EDIL3: variants seen among roughly 807,000 people sequenced by gnomAD.
EDIL3 encodes EGF-like repeat and discoidin I-like domain-containing protein 3.
EDIL3 carries 37 observed loss-of-function variants against 67.4 expected under a neutral mutation model. That is an observed-to-expected ratio of 0.55 (90% CI 0.42 to 0.72). EDIL3 has a LOEUF of 0.72. Ranked by LOEUF, EDIL3 falls within the 30% of genes least tolerant of loss-of-function variation. The probability of loss-of-function intolerance (pLI) is 0.00; values close to 1 mark genes in which losing one functional copy is unlikely to be tolerated. For synonymous variants in EDIL3, 195 were observed against 196.3 expected, an observed-to-expected ratio of 0.99 and a Z score of 0.05; for missense variants, 527 against 586.3, an observed-to-expected ratio of 0.90 and a Z score of 1.04.
chr5:84,000,087 C>T (rs1003500424), intron 9 of EDIL3, among the ~76,000 whole-genome samples: 4 of 151,864 alleles, frequency 2.6e-5, no homozygotes, highest in African/African-American at 9.7e-5. Context: ...TAAAGACTTT[C>T]CCAGGCAAAC....
intron 9 of EDIL3, among the ~76,000 whole-genome samples, chr5:84,039,940 T>TA: frequency 6.6e-6 from 1 of 152,304 alleles, no homozygotes; most frequent in South Asian, 2.1e-4. Context: ...ACAGGGAACT[T>TA]AGTCATTCTA....
In EDIL3 at chr5:83,970,643, G is replaced by GTATATATA. The variant is rs70975530; in HGVS notation, c.1138-7291_1138-7284dup. Among the ~76,000 whole-genome samples, 661 of 115,892 alleles carry GTATATATA rather than the reference G, an allele frequency of 5.7e-3. 4 individuals carry two copies. Among genetic ancestry groups the GTATATATA allele is most frequent in the African/African-American group, 0.019 (492 of 26,038 alleles). The allele number at this position is 115,892 out of a possible 152,430, so 76.0% of individuals were successfully genotyped here. On this transcript the variant is annotated intron_variant, in intron 9 of 10. Transcript: ENST00000296591. ...ATACATAATGTGACATAGGATCACA[G>GTATATATA]TATATATATATATATATATATATAT...
chr5:84,283,400 C>A (rs1357296450), intron 1 of EDIL3, among the ~76,000 whole-genome samples: 1 of 152,044 alleles, frequency 6.6e-6, no homozygotes, highest in Non-Finnish European at 1.5e-5. Context: ...CAATTTTTTC[C>A]ATAAGAACAA....
chr5:83,993,077 A>C (rs563970146), intron 9 of EDIL3, among the ~76,000 whole-genome samples: 2 of 152,338 alleles, frequency 1.3e-5, no homozygotes, highest in South Asian at 4.1e-4. Flanking sequence ...ACGAAACATT[A>C]GAATAAATAA....
intron 1 of EDIL3, 32 bp downstream of exon 1, chr5:84,384,276 C>T (rs778170924): frequency 1.2e-6 from 2 of 1,602,714 alleles, no homozygotes; most frequent in Non-Finnish European, 1.7e-6. Flanking sequence ...CAGCCCATCC[C>T]TCACCCAGCT....
chr5:84,149,438 G>A (rs1350945086), intron 4 of EDIL3, among the ~76,000 whole-genome samples: 1 of 152,164 alleles, frequency 6.6e-6, no homozygotes, highest in Non-Finnish European at 1.5e-5. Context: ...GAATGGTTTT[G>A]TCTTAGTAGT....
chr5:84,102,177 T>C (rs771954118), intron 6 of EDIL3, among the ~76,000 whole-genome samples: 6 of 152,024 alleles, frequency 3.9e-5, no homozygotes, highest in Middle Eastern at 3.4e-3. Context: ...CTCAAAATTA[T>C]GAATCACCTA....
At chr5:84,041,567 GTA>G (rs201899474) in intron 9 of EDIL3, among the ~76,000 whole-genome samples, 1 of 146,578 alleles carries the variant, frequency 6.8e-6, no homozygotes, top group Non-Finnish European at 1.5e-5. Context: ...TACATATATA[GTA>G]TATATATGTA....
chr5:84,266,909 T>C (rs982252639), intron 1 of EDIL3, among the ~76,000 whole-genome samples: 4 of 152,236 alleles, frequency 2.6e-5, no homozygotes, highest in Admixed American at 6.5e-5. Flanking sequence ...GCCTTCACTA[T>C]GTACCAAAAA....
chr5:84,282,150 C>T (rs1015763682), intron 1 of EDIL3, among the ~76,000 whole-genome samples: 8 of 151,790 alleles, frequency 5.3e-5, no homozygotes, highest in East Asian at 1.9e-4. Flanking sequence ...GGATTACAGG[C>T]GTGAGCCACC....
chr5:84,327,582 T>A (rs1008973884), intron 1 of EDIL3, among the ~76,000 whole-genome samples: 1 of 152,220 alleles, frequency 6.6e-6, no homozygotes, highest in Admixed American at 6.5e-5. Context: ...TTAATTTGTT[T>A]GTTAAAATTA....
intron 2 of EDIL3, among the ~76,000 whole-genome samples, chr5:84,230,567 C>G (rs1744553085): frequency 6.6e-6 from 1 of 152,092 alleles, no homozygotes; most frequent in Non-Finnish European, 1.5e-5. Flanking sequence ...ACCACCACAC[C>G]TGGCTAATGT....
Position 84,312,101 on chromosome 5 carries a change from G to A in EDIL3, c.68-57889C>T, listed in dbSNP as rs984534043. Among the ~76,000 whole-genome samples the A allele has an allele frequency of 5.7e-4, 86 of 152,158 alleles. 1 individual carries two copies. The highest frequency in any genetic ancestry group is 1.7e-3 in the South Asian group (8 of 4,820). On this transcript the variant is annotated intron_variant, in intron 1 of 10. Coordinates refer to ENST00000296591, the MANE Select transcript of EDIL3 (RefSeq NM_005711.5). ...ACACCTCCCAGACGGGGTGGTGGCT[G>A]GGCAGCGGGGCTCCTCACTTCCCAG...
chr5:84,002,737 G>T (rs1285106873), intron 9 of EDIL3, among the ~76,000 whole-genome samples: 1 of 152,188 alleles, frequency 6.6e-6, no homozygotes, highest in Non-Finnish European at 1.5e-5. Context: ...TAACCAACAG[G>T]CTCTCTGACA....
At chr5:84,171,223 T>C in intron 4 of EDIL3, among the ~76,000 whole-genome samples, 1 of 152,252 alleles carries the variant, frequency 6.6e-6, no homozygotes, top group Middle Eastern at 3.4e-3. Context: ...ATTAAAAAAA[T>C]AAAGAATAGA....
intron 9 of EDIL3, among the ~76,000 whole-genome samples, chr5:84,046,350 G>A (rs1347310233): frequency 6.6e-6 from 1 of 152,160 alleles, no homozygotes; most frequent in East Asian, 1.9e-4. Flanking sequence ...CTGGGCATTG[G>A]AGAGGCTTCC....
chr5:84,254,131 C>G lies in EDIL3; in HGVS notation c.149G>C (p.Cys50Ser), dbSNP rs1172859498. 5.0e-6 allele frequency: 8 copies of G among 1,612,966 alleles called. No individual in the cohort carries two copies. The highest frequency in any genetic ancestry group is 1.7e-4 in the Middle Eastern group (1 of 6,058). The change falls in exon 2 of 11, where the codon TGT (cysteine) becomes TCT (serine). Residue 50 changes from cysteine (C) to serine (S), a missense_variant. By Grantham distance (112) the Cys-to-Ser change is moderately radical. Coordinates refer to ENST00000296591, the MANE Select transcript of EDIL3 (RefSeq NM_005711.5). ...GTTGGGGTCTGTGAAGCCATCTGGA[C>G]ACTCACAGGAAAAGGAACCATCAGC... is the stretch of plus-strand genomic sequence containing the variant. The part of the protein sequence containing the change: ...GLADGSFSCE[C>S]PDGFTDPNCS...
chr5:84,249,710 T>A (rs1420465459), intron 2 of EDIL3, among the ~76,000 whole-genome samples: 1 of 152,212 alleles, frequency 6.6e-6, no homozygotes, highest in African/African-American at 2.4e-5. Flanking sequence ...ACTAGTTTAA[T>A]GGATTACTCT....
intron 1 of EDIL3, among the ~76,000 whole-genome samples, chr5:84,340,000 T>A (rs967455029): frequency 1.3e-5 from 2 of 152,098 alleles, no homozygotes; most frequent in Admixed American, 6.6e-5. Flanking sequence ...TAGAAGAAAC[T>A]ATTCTTCAAT....
Sources: allele counts gnomAD v4.1 joint callset (sites outside exome capture counted in the v4.1 genomes callset), GRCh38; gene constraint gnomAD v4.1.1; transcripts MANE v1.5; gene names NCBI Gene and HGNC (gene_info 2026-07-23, HGNC 2026-07-21).